Variants in CUL1 observed in about 807,000 individuals in gnomAD.
CUL1 encodes cullin-1.
CUL1 carries 24 observed loss-of-function variants against 118.0 expected under a neutral mutation model. That is an observed-to-expected ratio of 0.20 (90% CI 0.15 to 0.29). The LOEUF is 0.29. Ranked by LOEUF, CUL1 falls within the 10% of genes least tolerant of loss-of-function variation. The pLI is 1.00. For missense variants in CUL1, 361 were observed against 933.8 expected (o/e 0.39, Z 7.99); for synonymous variants, 332 against 340.4 (o/e 0.98, Z 0.27).
chr7:148,719,541 A>G (rs933053075), intron 1 of CUL1, among the ~76,000 whole-genome samples: 1 of 152,204 alleles, frequency 6.6e-6, no homozygotes, highest in African/African-American at 2.4e-5. Context: ...TTCTTGGTAG[A>G]TGTCCAAATA....
At chr7:148,708,893 A>G (rs974736079) in intron 1 of CUL1, among the ~76,000 whole-genome samples, 2 of 152,228 alleles carry the variant, frequency 1.3e-5, no homozygotes, top group Admixed American at 1.3e-4. Flanking sequence ...TAAATTATAA[A>G]TGTTGGAATT....
chr7:148,767,295 G>T (rs1800037350), intron 8 of CUL1, among the ~76,000 whole-genome samples: 2 of 151,092 alleles, frequency 1.3e-5, no homozygotes, highest in Admixed American at 1.3e-4. Flanking sequence ...TCAATCTTGA[G>T]AATTTTAGGA....
At chr7:148,702,776 T>A (rs1442020887) in intron 1 of CUL1, among the ~76,000 whole-genome samples, 2 of 152,206 alleles carry the variant, frequency 1.3e-5, no homozygotes, top group African/African-American at 2.4e-5. Context: ...TCCCATGTTG[T>A]CCTGCCTATG....
intron 1 of CUL1, among the ~76,000 whole-genome samples, chr7:148,705,231 T>A (rs907801292): frequency 1.3e-5 from 2 of 152,230 alleles, no homozygotes; most frequent in Admixed American, 1.3e-4. Flanking sequence ...TTGTCTTCAG[T>A]GTGGAAGTTT....
intron 17 of CUL1, among the ~76,000 whole-genome samples, chr7:148,797,474 A>G (rs1801243234): frequency 6.6e-6 from 1 of 151,742 alleles, no homozygotes; most frequent in African/African-American, 2.4e-5. Flanking sequence ...CTGTAAATCC[A>G]GTGCAGTATT....
intron 1 of CUL1, among the ~76,000 whole-genome samples, chr7:148,700,532 G>T (rs993727200): frequency 2.0e-5 from 3 of 152,170 alleles, no homozygotes; most frequent in Non-Finnish European, 4.4e-5. Flanking sequence ...TTTAAAGAAG[G>T]TTTGTTTTTG....
At chr7:148,737,578 ATTTATTTATT>A (rs1798997093) in intron 2 of CUL1, among the ~76,000 whole-genome samples, 1 of 67,196 alleles carries the variant, frequency 1.5e-5, no homozygotes, top group African/African-American at 1.4e-4. Flanking sequence ...ATATTTTTAT[ATTTATTTATT>A]TATTTATTTA....
intron 1 of CUL1, among the ~76,000 whole-genome samples, chr7:148,707,042 C>T (rs200216355): frequency 1.3e-5 from 2 of 151,882 alleles, no homozygotes; most frequent in Non-Finnish European, 2.9e-5. Context: ...TGTATACATA[C>T]CTACATTCAT....
chr7:148,704,883 A>C (rs961349590), intron 1 of CUL1, among the ~76,000 whole-genome samples: 3 of 152,216 alleles, frequency 2.0e-5, no homozygotes, highest in Non-Finnish European at 2.9e-5. Context: ...AATTTATAAA[A>C]TCAAGAAATC....
chr7:148,736,786 C>A (rs1315658476), intron 2 of CUL1, among the ~76,000 whole-genome samples: 1 of 152,166 alleles, frequency 6.6e-6, no homozygotes, highest in Non-Finnish European at 1.5e-5. Context: ...ATTAAAAACA[C>A]AATGAAGACT....
At chr7:148,764,441 C>T (rs1001807641) in intron 7 of CUL1, among the ~76,000 whole-genome samples, 6 of 152,190 alleles carry the variant, frequency 3.9e-5, no homozygotes, top group Non-Finnish European at 8.8e-5. Flanking sequence ...TCTGTAATCA[C>T]CTAGGCACCT....
intron 15 of CUL1, 52 bp downstream of exon 15, chr7:148,789,878 A>G: frequency 1.3e-6 from 2 of 1,531,508 alleles, no homozygotes; most frequent in East Asian, 4.5e-5. Flanking sequence ...AGGGTGGGGC[A>G]GGGCAGCCTT....
At chr7:148,759,190 A>C in intron 4 of CUL1, 114 bp from the exon 5 acceptor site, 1 of 1,036,480 alleles carries the variant, frequency 9.6e-7, no homozygotes, top group Non-Finnish European at 1.5e-6. Context: ...ATTTTGACCA[A>C]CTTGTAATCT....
chr7:148,752,687 C>T (rs1174938019), intron 2 of CUL1, among the ~76,000 whole-genome samples: 2 of 152,100 alleles, frequency 1.3e-5, no homozygotes, highest in Non-Finnish European at 2.9e-5. Flanking sequence ...CTTGCTCTGT[C>T]GCCCAGGCTG....
At chr7:148,759,705 C>A in intron 6 of CUL1, 67 bp downstream of exon 6, 1 of 743,490 alleles carries the variant, frequency 1.3e-6, no homozygotes, top group Non-Finnish European at 2.2e-6. Flanking sequence ...AATGCTCTAA[C>A]AGATGTCATT....
chr7:148,756,830 A>G (rs1252292651), intron 3 of CUL1, among the ~76,000 whole-genome samples, 153 bp from the exon 4 acceptor site: 1 of 152,210 alleles, frequency 6.6e-6, no homozygotes, highest in African/African-American at 2.4e-5. Flanking sequence ...GTTTATATAT[A>G]TTAGCATGTT....
intron 2 of CUL1, among the ~76,000 whole-genome samples, chr7:148,745,785 T>TA (rs1799293712): frequency 6.8e-6 from 1 of 146,534 alleles, no homozygotes; most frequent in African/African-American, 2.5e-5. Flanking sequence ...TAGAAACAGT[T>TA]AAAGATGTTT....
Position 148,784,060 on chromosome 7 carries a change from C to T in CUL1, c.1281C>T (p.Asp427=). 3.1e-6 allele frequency: 5 copies of T among 1,613,788 alleles called. No homozygotes were observed. The highest frequency in any genetic ancestry group is 4.2e-6 in the Non-Finnish European group (5 of 1,179,700). ...KSPELLARYC[D]SLLKKSSKNP... ...CTGAGTTGCTGGCTCGATACTGTGA[C>T]TCCTTGTTGAAGAAAAGGTATTAAA... Residue 427 remains aspartate, a synonymous_variant, in exon 11 of 22, where the codon GAC becomes GAT. Coordinates refer to ENST00000325222, the MANE Select transcript of CUL1 (RefSeq NM_003592.3).
chr7:148,731,006 A>T (rs1798745696), intron 2 of CUL1, among the ~76,000 whole-genome samples: 1 of 152,096 alleles, frequency 6.6e-6, no homozygotes, highest in African/African-American at 2.4e-5. Context: ...ATAGAGACAG[A>T]GTCTTGCTAT....
Sources: gnomAD v4.1 joint callset for allele counts (sites outside exome capture counted in the v4.1 genomes callset) on GRCh38, gnomAD v4.1.1 for gene constraint, MANE v1.5 for transcripts, NCBI Gene and HGNC (gene_info 2026-07-23, HGNC 2026-07-21) for gene names.